GRM8: variants seen among roughly 807,000 people sequenced by gnomAD.
The protein encoded by GRM8 is metabotropic glutamate receptor 8.
A neutral mutation model predicts 87.2 loss-of-function variants in GRM8; 47 were observed. The ratio of observed to expected loss-of-function variants is 0.54; its 90% CI spans 0.43 to 0.69. GRM8 has a LOEUF of 0.69. Among genes scored for constraint, GRM8 ranks in the 30% least tolerant of loss-of-function variants. The pLI is 0.00. For synonymous variants in GRM8, 396 were observed against 404.5 expected (o/e 0.98, Z 0.25); for missense variants, 1,019 against 1,139.2 (o/e 0.89, Z 1.52).
At chr7:126,885,712 T>C (rs890046230) in intron 6 of GRM8, among the ~76,000 whole-genome samples, 20 of 152,166 alleles carry the variant, frequency 1.3e-4, no homozygotes, top group African/African-American at 4.6e-4. Flanking sequence ...ACAAATCTGA[T>C]TTAATTTTAA....
intron 9 of GRM8, among the ~76,000 whole-genome samples, chr7:126,509,456 G>A (rs894171550): frequency 1.3e-5 from 2 of 152,024 alleles, no homozygotes; most frequent in Admixed American, 1.3e-4. Context: ...CCCACATTCA[G>A]TTGTGAAATA....
chr7:127,217,188 T>C (rs965955424), intron 2 of GRM8, among the ~76,000 whole-genome samples: 1 of 152,158 alleles, frequency 6.6e-6, no homozygotes, highest in Non-Finnish European at 1.5e-5. Context: ...TTGTACTACC[T>C]AAGTGCATCA....
intron 6 of GRM8, among the ~76,000 whole-genome samples, chr7:126,849,947 A>G (rs1447661767): frequency 6.6e-6 from 1 of 152,196 alleles, no homozygotes; most frequent in African/African-American, 2.4e-5. Context: ...ATCAGTATAG[A>G]AAAGTGCTGT....
At chr7:126,573,642 T>C (rs1365982315) in intron 8 of GRM8, among the ~76,000 whole-genome samples, 1 of 152,066 alleles carries the variant, frequency 6.6e-6, no homozygotes, top group Non-Finnish European at 1.5e-5. Context: ...TAGAATTCAG[T>C]GGCATTATCT....
chr7:126,560,290 T>G (rs1407341016), intron 8 of GRM8, among the ~76,000 whole-genome samples: 1 of 152,194 alleles, frequency 6.6e-6, no homozygotes, highest in Non-Finnish European at 1.5e-5. Flanking sequence ...ATATTTCATA[T>G]GGCTTATAAA....
intron 3 of GRM8, among the ~76,000 whole-genome samples, chr7:126,992,875 C>G (rs1304844691): frequency 1.3e-5 from 2 of 151,716 alleles, no homozygotes; most frequent in African/African-American, 4.8e-5. Flanking sequence ...GTCATGTGAG[C>G]ACACAGTGAG....
intron 3 of GRM8, chr7:127,076,375 G>C (rs1012654898): frequency 3.0e-6 from 1 of 332,582 alleles, no homozygotes; most frequent in African/African-American, 2.2e-5. Flanking sequence ...GGGGGAGAAG[G>C]TCAGTTTTCA....
intron 3 of GRM8, among the ~76,000 whole-genome samples, chr7:126,912,811 C>A (rs1803457685): frequency 6.6e-6 from 1 of 152,130 alleles, no homozygotes; most frequent in African/African-American, 2.4e-5. Flanking sequence ...TCTGAAACAA[C>A]CGTAGACTAT....
intron 2 of GRM8, among the ~76,000 whole-genome samples, chr7:127,219,199 G>A (rs1356371994): frequency 1.3e-5 from 2 of 151,926 alleles, no homozygotes; most frequent in Admixed American, 6.6e-5. Context: ...AGCAAATGGT[G>A]ATATCTGTAT....
chr7:126,919,150 C>CTATCCTCT (rs1804232405), intron 3 of GRM8, among the ~76,000 whole-genome samples: 1 of 152,160 alleles, frequency 6.6e-6, no homozygotes, highest in African/African-American at 2.4e-5. Context: ...TCATGGCATG[C>CTATCCTCT]TATCCTCTTC....
intron 8 of GRM8, among the ~76,000 whole-genome samples, chr7:126,580,148 T>C (rs190791046): frequency 7.7e-4 from 118 of 152,292 alleles, no homozygotes; most frequent in African/African-American, 2.8e-3. Context: ...TTATAGACAT[T>C]GATACAGTTA....
intron 2 of GRM8, among the ~76,000 whole-genome samples, chr7:127,138,602 A>G (rs572014289): frequency 1.4e-4 from 22 of 152,232 alleles, no homozygotes; most frequent in African/African-American, 5.1e-4. Context: ...TTTCCATTTC[A>G]TTATAACTAG....
chr7:127,021,663 T>G (rs1480325855), intron 3 of GRM8, among the ~76,000 whole-genome samples: 2 of 152,016 alleles, frequency 1.3e-5, no homozygotes, highest in African/African-American at 4.8e-5. Context: ...ACAATACACA[T>G]CTGTGATGTC....
chr7:126,849,836 C>A (rs368227327), intron 6 of GRM8, among the ~76,000 whole-genome samples: 2 of 152,132 alleles, frequency 1.3e-5, no homozygotes, highest in East Asian at 3.9e-4. Flanking sequence ...AACCCTTCCA[C>A]TTGTACAATA....
chr7:126,572,447 AC>A (rs1414573033), intron 8 of GRM8, among the ~76,000 whole-genome samples: 2 of 152,222 alleles, frequency 1.3e-5, no homozygotes, highest in Non-Finnish European at 2.9e-5. Flanking sequence ...GCTGCTCTGC[AC>A]AGGGAATGCT....
At chr7:126,481,486 A>G (rs757015064) in intron 9 of GRM8, among the ~76,000 whole-genome samples, 10 of 152,128 alleles carry the variant, frequency 6.6e-5, no homozygotes, top group Non-Finnish European at 1.2e-4. Context: ...TACATAAGAC[A>G]TAAGACATCA....
chr7:126,856,418 T>A (rs1025932074), intron 6 of GRM8, among the ~76,000 whole-genome samples: 1 of 152,082 alleles, frequency 6.6e-6, no homozygotes, highest in African/African-American at 2.4e-5. Context: ...GGACATACAG[T>A]TTGAGTGATT....
intron 3 of GRM8, among the ~76,000 whole-genome samples, chr7:127,012,250 C>A (rs141680070): frequency 6.0e-4 from 92 of 152,248 alleles, no homozygotes; most frequent in African/African-American, 2.2e-3. Flanking sequence ...TTCCTTCTGA[C>A]AAGATCGATT....
At chr7:127,221,652 A>AT (rs1796942104) in intron 2 of GRM8, among the ~76,000 whole-genome samples, 1 of 152,146 alleles carries the variant, frequency 6.6e-6, no homozygotes, top group Admixed American at 6.5e-5. Context: ...TTAATAACTC[A>AT]TTTTGCTAAG....
Sources: allele counts gnomAD v4.1 joint callset (sites outside exome capture counted in the v4.1 genomes callset), GRCh38; gene constraint gnomAD v4.1.1; transcripts MANE v1.5; gene names NCBI Gene and HGNC (gene_info 2026-07-23, HGNC 2026-07-21).